PRKCH: variants seen among roughly 807,000 people sequenced by gnomAD.
PRKCH encodes protein kinase C eta.
A neutral mutation model predicts 82.5 loss-of-function variants in PRKCH; 28 were observed. That is an observed-to-expected ratio of 0.34 (90% CI 0.25 to 0.47). PRKCH has a LOEUF of 0.47. PRKCH is among the 20% of genes least tolerant of loss of function. The pLI, the probability that PRKCH is intolerant of heterozygous loss-of-function variation, is 1.00. For synonymous variants in PRKCH, 322 were observed against 327.4 expected (o/e 0.98, Z 0.18); for missense variants, 705 against 881.8 (o/e 0.80, Z 2.54).
chr14:61,241,457 G>C (rs1053221721), intron 1 of PRKCH, among the ~76,000 whole-genome samples: 3 of 152,186 alleles, frequency 2.0e-5, no homozygotes, highest in Admixed American at 2.0e-4. Flanking sequence ...CCAACTCTTT[G>C]CTCATGCCTT....
chr14:61,435,112 A>G (rs1270341561), intron 2 of PRKCH, among the ~76,000 whole-genome samples: 2 of 152,198 alleles, frequency 1.3e-5, no homozygotes, highest in Non-Finnish European at 2.9e-5. Context: ...AGGGTGTTCA[A>G]CCAGGTCCTT....
chr14:61,438,003 G>T (rs537522580), intron 2 of PRKCH, among the ~76,000 whole-genome samples: 1 of 152,002 alleles, frequency 6.6e-6, no homozygotes, highest in African/African-American at 2.4e-5. Flanking sequence ...GTTACACTAG[G>T]TAAGTTACTA....
chr14:61,337,427 A>G (rs1001134340), intron 1 of PRKCH, among the ~76,000 whole-genome samples: 7 of 151,878 alleles, frequency 4.6e-5, no homozygotes, highest in Admixed American at 2.6e-4. Context: ...AAAAAATTTT[A>G]TTTTACAGAG....
Position 61,549,865 on chromosome 14 carries a change from C to A in PRKCH, c.*34C>A. 6.2e-7 allele frequency: 1 copy of A among 1,602,444 alleles called. No individual in the cohort carries two copies. Among genetic ancestry groups the A allele is most frequent in the Non-Finnish European group, 8.5e-7 (1 of 1,174,336 alleles). On this transcript the variant is annotated 3_prime_UTR_variant, in exon 14 of 14. Transcript: ENST00000332981. ...GGAGTGAGAGAGAGGGCACGAGAAC[C>A]CAAAGGGAATAGAGATTCTCCAGGA...
chr14:61,199,015 G>A (rs17098115), intron 1 of PRKCH, among the ~76,000 whole-genome samples: 5,248 of 152,102 alleles, frequency 0.035, 267 homozygotes, highest in African/African-American at 0.11. Context: ...TTCCCACCAA[G>A]CTTACACACA....
At chr14:61,407,077 C>T (rs919402176) in intron 2 of PRKCH, among the ~76,000 whole-genome samples, 8 of 152,068 alleles carry the variant, frequency 5.3e-5, no homozygotes, top group Admixed American at 2.0e-4. Flanking sequence ...GAACAACAGC[C>T]ATTTACATGG....
chr14:61,239,339 G>T (rs998897258), intron 1 of PRKCH, among the ~76,000 whole-genome samples: 28 of 152,326 alleles, frequency 1.8e-4, no homozygotes, highest in Non-Finnish European at 3.1e-4. Context: ...AAGACAAGGT[G>T]GTGTGGAGCA....
intron 1 of PRKCH, among the ~76,000 whole-genome samples, chr14:61,246,348 C>CA (rs2044882907): frequency 6.7e-6 from 1 of 150,096 alleles, no homozygotes. Context: ...GTGGAGGTTT[C>CA]AGTGAGCCAA....
intron 1 of PRKCH, chr14:61,305,597 A>G (rs371715652): frequency 1.8e-4 from 28 of 152,056 alleles, no homozygotes; most frequent in African/African-American, 6.5e-4. Flanking sequence ...TGTTAGAGAT[A>G]ATTCACCCAT....
chr14:61,340,102 G>C (rs1248499033), intron 1 of PRKCH, among the ~76,000 whole-genome samples: 1 of 94,344 alleles, frequency 1.1e-5, no homozygotes. Flanking sequence ...TCCCTTCTCA[G>C]CCTCTTCCCT....
At chr14:61,403,534 G>A (rs565814561) in intron 2 of PRKCH, among the ~76,000 whole-genome samples, 1 of 152,326 alleles carries the variant, frequency 6.6e-6, no homozygotes, top group African/African-American at 2.4e-5. Context: ...AATAAGGTCA[G>A]GAAGTGACAC....
At position 61,293,744 on chromosome 14, in the gene PRKCH, G is replaced by A. The variant is rs61993664; in HGVS notation, c.-19+106076G>A. ...CATCTCTGATCAGTCTGCAAACTTA[G>A]AGCGGTCAGCCTCTGCTTGCAAACT... On this transcript the variant is annotated intron_variant, in intron 1 of 3. Coordinates refer to the PRKCH transcript ENST00000555185. Among the ~76,000 whole-genome samples, 764 of 152,264 alleles carry A rather than the reference G, an allele frequency of 5.0e-3. 2 individuals are homozygous for A. Among genetic ancestry groups the A allele is most frequent in the Middle Eastern group, 0.014 (4 of 294 alleles).
chr14:61,372,085 T>C (rs58862661), intron 1 of PRKCH, among the ~76,000 whole-genome samples: 14,400 of 152,114 alleles, frequency 0.095, 850 homozygotes, highest in Non-Finnish European at 0.1. Context: ...TGTTGTTGCA[T>C]GTGTGCTTTT....
chr14:61,424,639 G>A (rs1338210050), intron 2 of PRKCH, among the ~76,000 whole-genome samples: 2 of 152,224 alleles, frequency 1.3e-5, no homozygotes, highest in Admixed American at 6.5e-5. Context: ...GTCTGACAAT[G>A]CAGTAGAAAA....
intron 9 of PRKCH, among the ~76,000 whole-genome samples, chr14:61,458,238 G>T (rs186272540): frequency 7.2e-5 from 11 of 152,354 alleles, no homozygotes; most frequent in Admixed American, 5.9e-4. Context: ...GTGCGTTTAG[G>T]AATGCTTCTG....
chr14:61,201,784 C>G (rs1375308164), intron 1 of PRKCH, among the ~76,000 whole-genome samples: 1 of 151,948 alleles, frequency 6.6e-6, no homozygotes, highest in African/African-American at 2.4e-5. Context: ...TTTTTTAAAG[C>G]ACTATTCAAG....
At chr14:61,290,563 C>T (rs2045352469) in intron 1 of PRKCH, among the ~76,000 whole-genome samples, 1 of 152,128 alleles carries the variant, frequency 6.6e-6, no homozygotes, top group Non-Finnish European at 1.5e-5. Flanking sequence ...AGCAGTTTTT[C>T]CAAGATGTCC....
intron 10 of PRKCH, among the ~76,000 whole-genome samples, chr14:61,528,251 T>C (rs2042995995): frequency 6.6e-6 from 1 of 151,944 alleles, no homozygotes; most frequent in South Asian, 2.1e-4. Context: ...TGGAGTTCAG[T>C]GATGCACTCT....
At chr14:61,489,135 T>C (rs983220360) in intron 10 of PRKCH, among the ~76,000 whole-genome samples, 1 of 152,170 alleles carries the variant, frequency 6.6e-6, no homozygotes, top group Non-Finnish European at 1.5e-5. Context: ...GAGGGTGTGG[T>C]TTTGATACAA....
Sources: allele counts gnomAD v4.1 joint callset (sites outside exome capture counted in the v4.1 genomes callset), GRCh38; gene constraint gnomAD v4.1.1; transcripts MANE v1.5; gene names NCBI Gene and HGNC (gene_info 2026-07-23, HGNC 2026-07-21).